The following ADCK1 variants were observed in gnomAD, a reference collection of about 807,000 sequenced individuals.
ADCK1 encodes the protein aarF domain-containing protein kinase 1.
Under a neutral mutation model 52.3 loss-of-function variants are expected in ADCK1, and 41 were observed. The ratio of observed to expected loss-of-function variants is 0.78; its 90% CI spans 0.61 to 1.02. The LOEUF is 1.02. Among genes scored for constraint, ADCK1 ranks in the 50% least tolerant of loss-of-function variants. The probability of loss-of-function intolerance (pLI) is 0.00; values close to 1 mark genes in which losing one functional copy is unlikely to be tolerated. For synonymous variants in ADCK1, 250 were observed against 274.6 expected (o/e 0.91, Z 0.89); for missense variants, 658 against 679.5 (o/e 0.97, Z 0.35).
In ADCK1 at chr14:77,921,390, G is replaced by A. The variant is rs965433344; in HGVS notation, c.859-3067G>A. On this transcript the variant is annotated intron_variant, in intron 7 of 10. Coordinates refer to ENST00000238561, the MANE Select transcript of ADCK1 (RefSeq NM_020421.4). ...TACTGCATGAAAAACAAACTGTGGT[G>A]TGCGTCTTATAGTGTGTAAAGTGCT... is the stretch of plus-strand genomic sequence containing the variant. Among the ~76,000 whole-genome samples the A allele has an allele frequency of 4.1e-5, 6 of 145,346 alleles. No individual in the cohort carries two copies. In the East Asian group the frequency reaches 1.1e-3, roughly 26 times the overall value.
At chr14:77,808,662 G>A (rs2081278190) in intron 1 of ADCK1, among the ~76,000 whole-genome samples, 1 of 152,166 alleles carries the variant, frequency 6.6e-6, no homozygotes, top group Admixed American at 6.6e-5. Flanking sequence ...TGCAACCTCT[G>A]CCTCCTGGGT....
intron 3 of ADCK1, among the ~76,000 whole-genome samples, chr14:77,824,334 T>G (rs114066060): frequency 0.012 from 1,855 of 152,198 alleles, 37 homozygotes; most frequent in African/African-American, 0.043. Flanking sequence ...ACCATGATCA[T>G]ACCTAACAAA....
intron 4 of ADCK1, among the ~76,000 whole-genome samples, chr14:77,867,148 C>T (rs80092524): frequency 0.015 from 2,256 of 152,314 alleles, 54 homozygotes; most frequent in African/African-American, 0.051. Flanking sequence ...GAGGTCAGCT[C>T]ACCCTCTAGC....
At chr14:77,898,767 T>C (rs2083466036) in intron 5 of ADCK1, among the ~76,000 whole-genome samples, 1 of 152,030 alleles carries the variant, frequency 6.6e-6, no homozygotes, top group East Asian at 1.9e-4. Context: ...GAAACAAGCC[T>C]GCACATCCTA....
rs143349230 is a variant in ADCK1, at chr14:77,933,321, G to A, written c.1502G>A (p.Arg501His). Reference protein sequence around the residue: ...WQINLHELILRVKGLKLADRV... With the variant: ...WQINLHELILHVKGLKLADRV... ...ATCAACCTCCATGAGCTCATCCTGC[G>A]TGTGAAGGGGTTGAAGCTGGCTGAC... Residue 501 changes from arginine to histidine, a missense_variant, in exon 11 of 11, where the codon CGT becomes CAT. Transcript: ENST00000238561. 2.3e-4 allele frequency: 375 copies of A among 1,614,138 alleles called. 3 individuals are homozygous for A. The highest frequency in any genetic ancestry group is 6.6e-4 in the Middle Eastern group (4 of 6,062).
chr14:77,805,191 A>G (rs1379297883), intron 1 of ADCK1, among the ~76,000 whole-genome samples: 2 of 126,304 alleles, frequency 1.6e-5, no homozygotes, highest in African/African-American at 3.0e-5. Context: ...GGGCAACAAG[A>G]GTGAGACTCT....
At chr14:77,901,999 A>G (rs1389254910) in intron 6 of ADCK1, among the ~76,000 whole-genome samples, 1 of 152,132 alleles carries the variant, frequency 6.6e-6, no homozygotes, top group Non-Finnish European at 1.5e-5. Context: ...GCCAACAGTC[A>G]AGCTGTGCTG....
At position 77,931,557 on chromosome 14, in the gene ADCK1, CA is replaced by C. The variant is rs1566745940; in HGVS notation, c.1247del (p.Gln416ArgfsTer17). Reference sequence around the variant, plus strand: ...CAACAACGCGGCCAACTACCTCCCCCAGATCAGCCATCTCCTCAACCACGTG... The same window carrying C: ...CAACAACGCGGCCAACTACCTCCCCCGATCAGCCATCTCCTCAACCACGTG... ...IRNNAANYLP[Q>X]ISHLLNHVPR... On this transcript the variant is annotated frameshift_variant, in exon 10 of 11. Transcript: ENST00000238561. LOFTEE classifies it high-confidence loss of function. The C allele has an allele frequency of 6.2e-7, 1 of 1,614,100 alleles. No individual in the cohort carries two copies. The highest frequency in any genetic ancestry group is 2.2e-5 in the East Asian group (1 of 44,884).
intron 5 of ADCK1, among the ~76,000 whole-genome samples, chr14:77,893,737 C>CTTCCTTCCTTTCTTTT (rs35559156): frequency 2.0e-5 from 1 of 50,352 alleles, no homozygotes; most frequent in African/African-American, 8.1e-5. Flanking sequence ...TCCTTCCTTC[C>CTTCCTTCCTTTCTTTT]TTTTTTTTTT....
At chr14:77,899,075 G>T in intron 5 of ADCK1, 25 bp from the exon 6 acceptor site, 1 of 1,612,554 alleles carries the variant, frequency 6.2e-7, no homozygotes, top group South Asian at 1.1e-5. Context: ...TGGGCCAAAT[G>T]ACTGGGGTGC....
chr14:77,810,791 AAAG>A (rs2081324797), intron 1 of ADCK1, among the ~76,000 whole-genome samples: 1 of 152,050 alleles, frequency 6.6e-6, no homozygotes, highest in African/African-American at 2.4e-5. Context: ...TCAGCCTCCC[AAAG>A]TGCTGGGATT....
chr14:77,889,660 AAGTTCTTATAAG>A (rs1458198496), intron 5 of ADCK1, among the ~76,000 whole-genome samples: 1 of 152,204 alleles, frequency 6.6e-6, no homozygotes, highest in African/African-American at 2.4e-5. Context: ...TGGGAAATGG[AAGTTCTTATAAG>A]AGTAAGGGGA....
At chr14:77,901,642 G>C (rs578216647) in intron 6 of ADCK1, among the ~76,000 whole-genome samples, 4 of 151,994 alleles carry the variant, frequency 2.6e-5, no homozygotes, top group African/African-American at 9.7e-5. Flanking sequence ...CGCCTGCCTC[G>C]GCCTCCCAAA....
chr14:77,906,258 T>C (rs182040117), intron 6 of ADCK1, among the ~76,000 whole-genome samples: 23 of 152,302 alleles, frequency 1.5e-4, no homozygotes, highest in Admixed American at 3.3e-4. Flanking sequence ...AAAATCTTAC[T>C]CTCCAAAACA....
At chr14:77,872,787 G>C (rs1282713824) in intron 4 of ADCK1, among the ~76,000 whole-genome samples, 1 of 151,338 alleles carries the variant, frequency 6.6e-6, no homozygotes, top group African/African-American at 2.4e-5. Context: ...TCATTCTCCT[G>C]CCTCAGCCTC....
In ADCK1 at chr14:77,822,570, G is replaced by C. The variant is rs781050756; in HGVS notation, c.219+52G>C. 18 of 1,439,876 alleles carry C rather than the reference G, an allele frequency of 1.3e-5. No individual in the cohort carries two copies. The South Asian group carries it at 2.1e-4, about 16-fold the overall frequency. 89.2% of individuals were successfully genotyped at this position (1,439,876 alleles called of 1,614,324 possible). A position where few individuals can be genotyped will look rare whatever the true frequency, so the allele number is the denominator to read the frequency against. ...GCCAGGCCAGGACTGGATAACCCTT[G>C]AACTGCTATGCTCTAGTGATCCTCC... On this transcript the variant is annotated intron_variant, in intron 3 of 10. Transcript: ENST00000238561.
chr14:77,807,159 C>T (rs2081245448), intron 1 of ADCK1, among the ~76,000 whole-genome samples: 1 of 148,102 alleles, frequency 6.8e-6, no homozygotes, highest in Admixed American at 6.8e-5. Context: ...AGCTCCGCCT[C>T]CCGGGTCCAC....
chr14:77,933,056 G>T (rs1270387098), intron 10 of ADCK1, among the ~76,000 whole-genome samples, 164 bp from the exon 11 acceptor site: 2 of 152,140 alleles, frequency 1.3e-5, no homozygotes, highest in Non-Finnish European at 2.9e-5. Flanking sequence ...TCTGGCTCCC[G>T]ATTGGGTAGT....
intron 4 of ADCK1, among the ~76,000 whole-genome samples, chr14:77,869,260 A>T (rs931977705): frequency 2.0e-5 from 3 of 152,182 alleles, no homozygotes; most frequent in African/African-American, 7.2e-5. Flanking sequence ...AGGTATCAGC[A>T]GGGTGGGTTC....
Sources: gnomAD v4.1 joint callset for allele counts (sites outside exome capture counted in the v4.1 genomes callset) on GRCh38, gnomAD v4.1.1 for gene constraint, MANE v1.5 for transcripts, NCBI Gene and HGNC (gene_info 2026-07-23, HGNC 2026-07-21) for gene names.